The following PLEKHF2 variants were observed in gnomAD, a reference collection of about 807,000 sequenced individuals.
PLEKHF2 encodes pleckstrin homology domain-containing family F member 2.
A neutral mutation model predicts 14.7 loss-of-function variants in PLEKHF2; 4 were observed. That is an observed-to-expected ratio of 0.27 (90% CI 0.13 to 0.62). PLEKHF2 has a LOEUF of 0.62. Ranked by LOEUF, PLEKHF2 falls within the 20% of genes least tolerant of loss-of-function variation. PLEKHF2 has a pLI of 0.85. For missense variants in PLEKHF2, 201 were observed against 307.7 expected (o/e 0.65, Z 2.60); for synonymous variants, 90 against 103.5 (o/e 0.87, Z 0.79).
rs772610111 is a variant in PLEKHF2 at position 95,154,084 on chromosome 8, C to T, written c.40C>T (p.Arg14Cys). 1.2e-5 allele frequency: 19 copies of T among 1,611,190 alleles called. No homozygotes were observed. Among genetic ancestry groups the T allele is most frequent in the Admixed American group, 1.7e-5 (1 of 59,518 alleles). The change falls in exon 2 of 2, where the codon CGT (arginine) becomes TGT (cysteine). Residue 14 changes from arginine to cysteine, a missense_variant. By Grantham distance (180) the Arg-to-Cys change is radical. Transcript: ENST00000315367. This position sits in a 1 kb window ranked among gnomAD's most constrained non-coding sequence, Gnocchi z 5.6. ...RLANSEANTR[R>C]ISIVENCFGA... is the part of the protein sequence containing the mutation. ...GGCAAACAGTGAAGCAAATACTAGA[C>T]GTATAAGTATAGTGGAAAACTGTTT... is the stretch of plus-strand genomic sequence containing the variant.
At chr8:95,134,613 T>C (rs888508267) in intron 1 of PLEKHF2, among the ~76,000 whole-genome samples, 1 of 152,176 alleles carries the variant, frequency 6.6e-6, no homozygotes, top group Non-Finnish European at 1.5e-5. Context: ...CCTTTTCAAG[T>C]TTTATGATCC....
chr8:95,144,200 A>G (rs1810467896), intron 1 of PLEKHF2, among the ~76,000 whole-genome samples: 1 of 152,102 alleles, frequency 6.6e-6, no homozygotes, highest in Non-Finnish European at 1.5e-5. Flanking sequence ...TGAAGTCTAT[A>G]TTTGTTCCCT....
At chr8:95,141,589 G>A (rs977897110) in intron 1 of PLEKHF2, among the ~76,000 whole-genome samples, 17 of 151,792 alleles carry the variant, frequency 1.1e-4, no homozygotes, top group Admixed American at 4.6e-4. Context: ...GCAGTGGCAC[G>A]ATCTTGGCTC....
intron 1 of PLEKHF2, among the ~76,000 whole-genome samples, chr8:95,152,348 T>C (rs1271343657): frequency 6.6e-6 from 1 of 152,090 alleles, no homozygotes; most frequent in Non-Finnish European, 1.5e-5. Context: ...GTGAGTGAAA[T>C]TTATTTAATT....
rs1810345264 is a variant in PLEKHF2, at chr8:95,133,857, GGCGGCCAGCCCGCCCACC to G, written c.-184_-167del. 1 of 152,476 alleles carries G rather than the reference GGCGGCCAGCCCGCCCACC, an allele frequency of 6.6e-6. No homozygotes were observed. The highest frequency in any genetic ancestry group is 1.5e-5 in the Non-Finnish European group (1 of 68,358). The allele number at this position is 152,476 out of a possible 1,614,324, so 9.4% of individuals were successfully genotyped here. A position where few individuals can be genotyped will look rare whatever the true frequency, so the allele number is the denominator to read the frequency against. On this transcript the variant is annotated 5_prime_UTR_variant, in exon 1 of 2. Coordinates refer to ENST00000315367, the MANE Select transcript of PLEKHF2 (RefSeq NM_024613.4). ...GGAGTCACCTGCGAGCGGCTGCGCT[GGCGGCCAGCCCGCCCACC>G]GCGTCTGGATCGCGCCGGCTGCGCG...
At chr8:95,152,184 G>A (rs1001184232) in intron 1 of PLEKHF2, among the ~76,000 whole-genome samples, 1 of 152,008 alleles carries the variant, frequency 6.6e-6, no homozygotes, top group African/African-American at 2.4e-5. Context: ...CCTTGTCACT[G>A]GTTTTAGATC....
chr8:95,136,648 A>G (rs766968872), intron 1 of PLEKHF2, among the ~76,000 whole-genome samples: 48 of 152,352 alleles, frequency 3.2e-4, no homozygotes, highest in Non-Finnish European at 5.1e-4. Context: ...AAATCTCATT[A>G]TAGCTCTATC....
At chr8:95,144,432 A>C (rs1810473274) in intron 1 of PLEKHF2, among the ~76,000 whole-genome samples, 1 of 152,188 alleles carries the variant, frequency 6.6e-6, no homozygotes, top group South Asian at 2.1e-4. Flanking sequence ...AGTATATCTT[A>C]TGGTTATTAC....
Position 95,154,945 on chromosome 8 carries a change from A to AGGC in PLEKHF2, c.*151_*152insGGC. 1.1e-6 allele frequency: 1 copy of AGGC among 904,978 alleles called. No individual in the cohort carries two copies. The highest frequency in any genetic ancestry group is 1.7e-6 in the Non-Finnish European group (1 of 600,910). The allele number at this position is 904,978 out of a possible 1,614,324, so 56.1% of individuals were successfully genotyped here. A position where few individuals can be genotyped will look rare whatever the true frequency, so the allele number is the denominator to read the frequency against. On this transcript the variant is annotated 3_prime_UTR_variant, in exon 2 of 2. Transcript: ENST00000315367. The surrounding 1 kb of genome is among the most constrained non-coding windows in gnomAD (Gnocchi z 5.6). ...TATGTGCCTCAATATATTCCATAGA[A>AGGC]AGTAGGTCCCCCTGCCTTCTCCCAC...
At chr8:95,138,153 T>C (rs749532994) in intron 1 of PLEKHF2, among the ~76,000 whole-genome samples, 15 of 152,310 alleles carry the variant, frequency 9.8e-5, no homozygotes, top group Middle Eastern at 3.4e-3. Context: ...ACTTGTTTTC[T>C]ACCTGCTTTA....
chr8:95,148,940 A>G (rs1810530151), intron 1 of PLEKHF2, among the ~76,000 whole-genome samples: 1 of 152,088 alleles, frequency 6.6e-6, no homozygotes, highest in Non-Finnish European at 1.5e-5. Context: ...CAAAGAAAAG[A>G]TCTGTAAGTT....
chr8:95,134,906 A>G (rs1349024890), intron 1 of PLEKHF2, among the ~76,000 whole-genome samples: 3 of 152,230 alleles, frequency 2.0e-5, no homozygotes, highest in Admixed American at 1.3e-4. Flanking sequence ...TCTTAAAGGC[A>G]TGTGTTCTCT....
chr8:95,154,817 T>G lies in PLEKHF2; in HGVS notation c.*23T>G, dbSNP rs1269994055. 1 of 1,607,504 alleles carries G rather than the reference T, an allele frequency of 6.2e-7. No homozygotes were observed. ...TAAGGACACATTTGGGAGTATTTAATCAGGTGTGGCTATCTGAGAAATCAA... is the reference window on the plus strand; with the variant it reads ...TAAGGACACATTTGGGAGTATTTAAGCAGGTGTGGCTATCTGAGAAATCAA... On this transcript the variant is annotated 3_prime_UTR_variant, in exon 2 of 2. Transcript: ENST00000315367. The surrounding 1 kb of genome is among the most constrained non-coding windows in gnomAD (Gnocchi z 5.6).
intron 1 of PLEKHF2, among the ~76,000 whole-genome samples, chr8:95,138,515 T>G (rs948867504): frequency 6.6e-6 from 1 of 151,924 alleles, no homozygotes; most frequent in African/African-American, 2.4e-5. Flanking sequence ...ACTTATATTT[T>G]TCTACACATT....
At chr8:95,151,558 T>TA (rs61241700) in intron 1 of PLEKHF2, among the ~76,000 whole-genome samples, 4,228 of 150,082 alleles carry the variant, frequency 0.028, 196 homozygotes, top group African/African-American at 0.097. Flanking sequence ...AAAATCACTT[T>TA]AAAAAAAAAA....
chr8:95,149,600 G>T (rs1322333317), intron 1 of PLEKHF2, among the ~76,000 whole-genome samples: 1 of 152,176 alleles, frequency 6.6e-6, no homozygotes, highest in Non-Finnish European at 1.5e-5. Flanking sequence ...TACTGTCATT[G>T]TGCTGCTTGG....
intron 1 of PLEKHF2, among the ~76,000 whole-genome samples, chr8:95,137,569 CCTTT>C (rs1165161863): frequency 6.6e-6 from 1 of 152,214 alleles, no homozygotes; most frequent in Non-Finnish European, 1.5e-5. Flanking sequence ...TTTCCCATCT[CCTTT>C]CTTATGCTTT....
At chr8:95,148,894 A>G (rs181791332) in intron 1 of PLEKHF2, among the ~76,000 whole-genome samples, 263 of 152,220 alleles carry the variant, frequency 1.7e-3, no homozygotes, top group Admixed American at 3.5e-3. Flanking sequence ...TGATATCTGG[A>G]TAGGGAAGCT....
At chr8:95,148,954 CT>C (rs891275434) in intron 1 of PLEKHF2, among the ~76,000 whole-genome samples, 1 of 151,882 alleles carries the variant, frequency 6.6e-6, no homozygotes, top group African/African-American at 2.4e-5. Flanking sequence ...GTAAGTTTAA[CT>C]GCTTAAGAAG....
Sources: gnomAD v4.1 joint callset for allele counts (sites outside exome capture counted in the v4.1 genomes callset) on GRCh38, gnomAD v4.1.1 for gene constraint, Gnocchi (gnomAD v3.1) non-coding constraint, MANE v1.5 for transcripts, NCBI Gene and HGNC (gene_info 2026-07-23, HGNC 2026-07-21) for gene names.